OPCML: variants seen among roughly 807,000 people sequenced by gnomAD.
OPCML encodes opioid binding protein/cell adhesion molecule like, also known as opioid-binding protein/cell adhesion molecule.
In OPCML, 13 loss-of-function variants were observed where a neutral mutation model predicts 37.8. The observed-to-expected ratio is 0.34, with a 90% confidence interval of 0.22 to 0.55. The LOEUF is 0.55. Among genes scored for constraint, OPCML ranks in the 20% least tolerant of loss-of-function variants. OPCML has a pLI of 0.91. For missense variants in OPCML, 341 were observed against 435.6 expected (o/e 0.78, Z 1.93); for synonymous variants, 176 against 168.8 (o/e 1.04, Z -0.33).
chr11:133,200,020 C>T (rs1239955142), intron 1 of OPCML, among the ~76,000 whole-genome samples: 1 of 152,196 alleles, frequency 6.6e-6, no homozygotes, highest in Non-Finnish European at 1.5e-5. Flanking sequence ...CGAGACTGTC[C>T]TGCACACGTC....
At chr11:133,172,279 A>G (rs1950298079) in intron 1 of OPCML, among the ~76,000 whole-genome samples, 1 of 152,198 alleles carries the variant, frequency 6.6e-6, no homozygotes, top group African/African-American at 2.4e-5. Context: ...GAAAAAATTC[A>G]GATGCATTTG....
At chr11:133,095,705 C>CA (rs1000424883) in intron 1 of OPCML, among the ~76,000 whole-genome samples, 38 of 145,188 alleles carry the variant, frequency 2.6e-4, no homozygotes, top group African/African-American at 5.6e-4. Flanking sequence ...AAAAAAATTA[C>CA]AAAAAAAAAT....
rs560590425 is a variant in OPCML at position 133,206,375 on chromosome 11, T to G, written c.62-263365A>C. Among the ~76,000 whole-genome samples, 13 of 152,318 alleles carry G rather than the reference T, an allele frequency of 8.5e-5. No homozygotes were observed. The South Asian group carries it at 2.7e-3, about 32-fold the overall frequency. On this transcript the variant is annotated intron_variant, in intron 1 of 7. Transcript: ENST00000524381. The surrounding 1 kb of genome is among the most constrained non-coding windows in gnomAD (Gnocchi z 4.7). ...TACTACCACGTAGCAATGAAACATT[T>G]AGGAAACTGCATAACTTCTGGAGTC...
intron 2 of OPCML, among the ~76,000 whole-genome samples, chr11:132,708,893 T>C (rs1944145802): frequency 6.6e-6 from 1 of 152,244 alleles, no homozygotes; most frequent in South Asian, 2.1e-4. Flanking sequence ...TGATTTCTTG[T>C]TAAAGAATGC....
intron 2 of OPCML, among the ~76,000 whole-genome samples, chr11:132,758,748 G>A (rs1179740678): frequency 2.0e-5 from 3 of 152,012 alleles, no homozygotes; most frequent in African/African-American, 4.8e-5. Flanking sequence ...ATCTGCAAAC[G>A]GAGACATTTT....
chr11:132,421,973 C>T (rs1426776812), intron 7 of OPCML, among the ~76,000 whole-genome samples: 1 of 152,048 alleles, frequency 6.6e-6, no homozygotes, highest in African/African-American at 2.4e-5. Flanking sequence ...AAAATATGTA[C>T]ATAAAGCTAC....
intron 1 of OPCML, among the ~76,000 whole-genome samples, chr11:133,417,944 A>C (rs934559257): frequency 6.8e-6 from 1 of 147,700 alleles, no homozygotes; most frequent in Non-Finnish European, 1.5e-5. Flanking sequence ...AAATATAGGA[A>C]AAAAAAACAG....
intron 1 of OPCML, chr11:133,418,575 G>A (rs1420848207): frequency 7.7e-6 from 4 of 517,632 alleles, no homozygotes; most frequent in Non-Finnish European, 7.4e-6. Context: ...CCTCCAAACT[G>A]TCCTTGGTCA....
intron 2 of OPCML, among the ~76,000 whole-genome samples, chr11:132,829,461 G>A (rs1940557372): frequency 6.6e-6 from 1 of 152,202 alleles, no homozygotes; most frequent in Admixed American, 6.5e-5. Context: ...GCAAGGACCA[G>A]TACAAAGCAC....
chr11:133,385,166 G>A (rs981594460), intron 1 of OPCML, among the ~76,000 whole-genome samples: 5 of 152,172 alleles, frequency 3.3e-5, no homozygotes, highest in East Asian at 1.9e-4. Flanking sequence ...AAGCTGCTGC[G>A]CTGTGGAGGG....
chr11:132,546,743 A>ATTATATGTACT (rs2096369557), intron 3 of OPCML, among the ~76,000 whole-genome samples: 1 of 152,158 alleles, frequency 6.6e-6, no homozygotes, highest in African/African-American at 2.4e-5. Context: ...AGTACCTACA[A>ATTATATGTACT]AGTAGGACTG....
intron 3 of OPCML, among the ~76,000 whole-genome samples, chr11:132,564,127 T>C (rs993760118): frequency 6.6e-6 from 1 of 152,230 alleles, no homozygotes; most frequent in Non-Finnish European, 1.5e-5. Context: ...CAGTGACGCC[T>C]GCTCTCCCGA....
At chr11:132,540,554 TC>T (rs1192216720) in intron 3 of OPCML, among the ~76,000 whole-genome samples, 5 of 152,206 alleles carry the variant, frequency 3.3e-5, no homozygotes, top group Non-Finnish European at 7.3e-5. Context: ...TGAATGAGAC[TC>T]CCTCCATGTC....
chr11:133,401,785 A>C (rs1489834285), intron 1 of OPCML, among the ~76,000 whole-genome samples: 2 of 152,148 alleles, frequency 1.3e-5, no homozygotes, highest in African/African-American at 2.4e-5. Flanking sequence ...AAAAATAACC[A>C]TTCTCTTTTA....
intron 1 of OPCML, among the ~76,000 whole-genome samples, chr11:132,969,476 T>A (rs1946291335): frequency 6.6e-6 from 1 of 152,134 alleles, no homozygotes; most frequent in Non-Finnish European, 1.5e-5. Context: ...TCTATCAAGT[T>A]TTTGAAATTC....
At chr11:133,086,318 ATG>A (rs1948817998) in intron 1 of OPCML, among the ~76,000 whole-genome samples, 1 of 152,050 alleles carries the variant, frequency 6.6e-6, no homozygotes, top group East Asian at 1.9e-4. Context: ...ATAAAATGTG[ATG>A]TGATTTTTTT....
In OPCML at chr11:132,637,855, G is replaced by A. The variant is rs141725421; in HGVS notation, c.379+19232C>T. 1.8e-3 allele frequency among the ~76,000 whole-genome samples: 269 copies of A among 152,074 alleles called. 1 individual carries two copies. Among genetic ancestry groups the A allele is most frequent in the Middle Eastern group, 0.01 (3 of 294 alleles). The stretch of plus-strand genomic sequence containing the variant: ...TGTGTTCAGAGCCAGGCTCTTCTGG[G>A]ACCCAGAGGTCACCTGCTCTTCCAT... On this transcript the variant is annotated intron_variant, in intron 3 of 7. Coordinates refer to ENST00000524381, the MANE Select transcript of OPCML (RefSeq NM_001012393.5).
intron 2 of OPCML, among the ~76,000 whole-genome samples, chr11:132,744,655 T>C (rs753142620): frequency 1.3e-5 from 2 of 152,208 alleles, no homozygotes; most frequent in Non-Finnish European, 2.9e-5. Flanking sequence ...TAGCCTGCAT[T>C]AGGCACTGCC....
intron 1 of OPCML, among the ~76,000 whole-genome samples, chr11:133,474,154 C>T (rs1232567980): frequency 6.6e-6 from 1 of 152,102 alleles, no homozygotes; most frequent in Non-Finnish European, 1.5e-5. Flanking sequence ...TAGTTATATT[C>T]TTAATGTAAA....
Sources: allele counts gnomAD v4.1 joint callset (sites outside exome capture counted in the v4.1 genomes callset), GRCh38; gene constraint gnomAD v4.1.1; non-coding constraint Gnocchi (gnomAD v3.1); transcripts MANE v1.5; gene names NCBI Gene and HGNC (gene_info 2026-07-23, HGNC 2026-07-21).